Variants in ZNF672 observed in about 807,000 individuals in gnomAD.
The protein encoded by ZNF672 is hypothetical protein FLJ22301.
For missense variants in ZNF672, 733 were observed against 701.1 expected, an observed-to-expected ratio of 1.05 and a Z score of -0.51; for synonymous variants, 358 against 305.6, an observed-to-expected ratio of 1.17 and a Z score of -1.79.
Position 248,848,048 on chromosome 1 carries a change from C to A in ZNF672, c.774C>A (p.Gly258=). ...THTGEKPYAC[G]DCGRCFSESS... is the part of the protein sequence containing the mutation. ...CGGGCGAGAAGCCGTACGCATGTGG[C>A]GACTGTGGACGCTGCTTCAGCGAGA... Residue 258 remains glycine (G), a synonymous_variant, in exon 4 of 4, where the codon GGC becomes GGA. Transcript: ENST00000306562. The A allele has an allele frequency of 6.5e-7, 1 of 1,550,096 alleles. No individual in the cohort carries two copies. The highest frequency in any genetic ancestry group is 8.7e-7 in the Non-Finnish European group (1 of 1,147,398).
Position 248,847,843 on chromosome 1 carries a change from C to A in ZNF672, c.569C>A (p.Pro190His). ...SHARIHVSRS[P>H]TRPRVSDAHQ... Reference sequence around the variant, plus strand: ...GCGCGCATCCACGTGTCCCGGAGCCCCACGCGACCCCGTGTCTCAGACGCC... The same window carrying A: ...GCGCGCATCCACGTGTCCCGGAGCCACACGCGACCCCGTGTCTCAGACGCC... The change falls in exon 4 of 4, where the codon CCC becomes CAC. Residue 190 changes from proline to histidine, a missense_variant. Physicochemically the swap from Pro to His is moderately conservative, Grantham distance 77. Coordinates refer to ENST00000306562, the MANE Select transcript of ZNF672 (RefSeq NM_024836.3). 1 of 1,576,192 alleles carries A rather than the reference C, an allele frequency of 6.3e-7. No individual in the cohort carries two copies. Among genetic ancestry groups the A allele is most frequent in the East Asian group, 2.3e-5 (1 of 42,796 alleles).
At position 248,846,731 on chromosome 1, in the gene ZNF672, A is replaced by T. The variant is rs1048935438; in HGVS notation, c.-223-321A>T. 5.3e-5 allele frequency among the ~76,000 whole-genome samples: 8 copies of T among 152,146 alleles called. No homozygotes were observed. The East Asian group carries it at 9.6e-4, about 18-fold the overall frequency. ...TTTCCTAATGCATCCCCAGACAAGG[A>T]TCCCCATCTAAGGCCAGCGAACAGG... On this transcript the variant is annotated intron_variant, in intron 3 of 3. Coordinates refer to ENST00000306562, the MANE Select transcript of ZNF672 (RefSeq NM_024836.3).
At chr1:248,845,178 C>T (rs1403812594) in intron 2 of ZNF672, among the ~76,000 whole-genome samples, 2 of 152,178 alleles carry the variant, frequency 1.3e-5, no homozygotes, top group Non-Finnish European at 2.9e-5. Context: ...AAGGAGAATC[C>T]TCGAATCCGA....
chr1:248,841,601 A>T (rs1169965071), intron 1 of ZNF672, among the ~76,000 whole-genome samples: 8 of 152,174 alleles, frequency 5.3e-5, no homozygotes, highest in Non-Finnish European at 1.0e-4. Flanking sequence ...TTCACAGGAA[A>T]ATCTTTGTGA....
chr1:248,838,257 GGA>G lies in ZNF672; in HGVS notation c.-765_-764del, dbSNP rs1201516492. On this transcript the variant is annotated 5_prime_UTR_variant, in exon 1 of 4. Transcript: ENST00000306562. ...CTGCTTCCCGGCTCCAGCTGGGGCC[GGA>G]GAGGCTGAGTGGTTGGTACGCTGCT... 1 of 152,350 alleles carries G rather than the reference GGA, an allele frequency of 6.6e-6. No homozygotes were observed. The highest frequency in any genetic ancestry group is 1.5e-5 in the Non-Finnish European group (1 of 68,140). 9.4% of individuals were successfully genotyped at this position (152,350 alleles called of 1,614,324 possible).
intron 1 of ZNF672, among the ~76,000 whole-genome samples, chr1:248,840,045 A>G (rs1664645466): frequency 7.0e-6 from 1 of 143,136 alleles, no homozygotes; most frequent in African/African-American, 2.6e-5. Flanking sequence ...GGCAAGATTT[A>G]GCAATATTTT....
chr1:248,848,338 A>C lies in ZNF672; in HGVS notation c.1064A>C (p.Asn355Thr). ...CGGTTCACGTGCGTGTCCAATCTCA[A>C]CGTGCATCGGCGCAACCATGCCGGC... is the stretch of plus-strand genomic sequence containing the variant. The part of the protein sequence containing the change: ...GKRFTCVSNL[N>T]VHRRNHAGHK... The change falls in exon 4 of 4, where the codon AAC becomes ACC. Residue 355 changes from asparagine to threonine, a missense_variant. By Grantham distance (65) the Asn-to-Thr change is moderately conservative. Transcript: ENST00000306562. 1 of 1,601,516 alleles carries C rather than the reference A, an allele frequency of 6.2e-7. No homozygotes were observed.
At chr1:248,839,645 AAAAC>A (rs909063039) in intron 1 of ZNF672, among the ~76,000 whole-genome samples, 13 of 152,286 alleles carry the variant, frequency 8.5e-5, no homozygotes, top group South Asian at 6.2e-4. Flanking sequence ...CCTGTCTCAA[AAAAC>A]AAACAAACAA....
At chr1:248,844,815 G>A (rs1420722682) in intron 2 of ZNF672, among the ~76,000 whole-genome samples, 179 bp downstream of exon 2, 1 of 152,214 alleles carries the variant, frequency 6.6e-6, no homozygotes, top group Non-Finnish European at 1.5e-5. Flanking sequence ...TGGGGCCTGA[G>A]CATTGCTTTC....
chr1:248,848,141 CA>C lies in ZNF672; in HGVS notation c.869del (p.Lys290ArgfsTer165). Reference protein sequence around the residue: ...ERPHACATCGKGFGQRSDLVV... With the variant: ...ERPHACATCGXGFGQRSDLVV... ...GGCCACATGCGTGCGCCACTTGCGGCAAGGGTTTCGGGCAGCGCTCCGACCT... is the reference window on the plus strand; with the variant it reads ...GGCCACATGCGTGCGCCACTTGCGGCAGGGTTTCGGGCAGCGCTCCGACCT... On this transcript the variant is annotated frameshift_variant, in exon 4 of 4. Transcript: ENST00000306562. LOFTEE classifies it low-confidence loss of function (END_TRUNC). 1.8e-5 allele frequency: 29 copies of C among 1,579,090 alleles called. No individual in the cohort carries two copies. The highest frequency in any genetic ancestry group is 2.5e-5 in the Non-Finnish European group (29 of 1,167,110).
chr1:248,847,627 G>A lies in ZNF672; in HGVS notation c.353G>A (p.Arg118Gln), dbSNP rs1226342881. Residue 118 changes from arginine (R) to glutamine (Q), a missense_variant, in exon 4 of 4, where the codon CGG (arginine) becomes CAG (glutamine). Arg to Gln is a conservative substitution (Grantham distance 43). Transcript: ENST00000306562. ...CACCTCCCGGCGCTGCTGCTACACC[G>A]GCGCCGCCAGCATCTGCCAGAGCGG... The part of the protein sequence containing the change: ...FPHLPALLLH[R>Q]RRQHLPERPR... 3 of 1,520,384 alleles carry A rather than the reference G, an allele frequency of 2.0e-6. No individual in the cohort carries two copies. Among genetic ancestry groups the A allele is most frequent in the African/African-American group, 2.8e-5 (2 of 72,492 alleles). 94.2% of individuals were successfully genotyped at this position (1,520,384 alleles called of 1,614,324 possible).
At chr1:248,840,920 CAG>C (rs1390918429) in intron 1 of ZNF672, among the ~76,000 whole-genome samples, 1 of 151,450 alleles carries the variant, frequency 6.6e-6, no homozygotes, top group East Asian at 1.9e-4. Context: ...TGACTGTAGT[CAG>C]AGTATTTGTA....
intron 1 of ZNF672, among the ~76,000 whole-genome samples, chr1:248,842,459 C>T (rs11205428): frequency 0.012 from 1,795 of 152,140 alleles, 50 homozygotes; most frequent in African/African-American, 0.041. Context: ...GGATAGCCCA[C>T]GCTGAAGCCC....
chr1:248,844,052 AG>A (rs1338340985), intron 1 of ZNF672, among the ~76,000 whole-genome samples: 1 of 152,252 alleles, frequency 6.6e-6, no homozygotes, highest in African/African-American at 2.4e-5. Context: ...ACAGATAACC[AG>A]GGAAGAAAAA....
chr1:248,847,374 C>T lies in ZNF672; in HGVS notation c.100C>T (p.Arg34Ter), dbSNP rs1659155036. 6.2e-7 allele frequency: 1 copy of T among 1,610,434 alleles called. No individual in the cohort carries two copies. Among genetic ancestry groups the T allele is most frequent in the Non-Finnish European group, 8.5e-7 (1 of 1,178,348 alleles). ...CYSSVLLRHERAHGGDGRFRC... is the reference protein window; with the variant it reads ...CYSSVLLRHE ...CAGCTCAGTGCTGCTGCGACATGAA[C>T]GAGCTCACGGCGGTGACGGCCGCTT... Residue 34 changes from arginine to a stop codon, truncating the protein, a stop_gained, in exon 4 of 4, where the codon CGA becomes TGA. Transcript: ENST00000306562. LOFTEE classifies it low-confidence loss of function (END_TRUNC).
intron 3 of ZNF672, among the ~76,000 whole-genome samples, chr1:248,846,606 T>C (rs548480436): frequency 1.3e-5 from 2 of 152,360 alleles, no homozygotes; most frequent in African/African-American, 4.8e-5. Flanking sequence ...CAAGTCTGGC[T>C]GGGTTCATGT....
In ZNF672 at chr1:248,847,842, C is replaced by T. The variant is rs1273887507; in HGVS notation, c.568C>T (p.Pro190Ser). 2 of 1,575,242 alleles carry T rather than the reference C, an allele frequency of 1.3e-6. No individual in the cohort carries two copies. Among genetic ancestry groups the T allele is most frequent in the Non-Finnish European group, 1.7e-6 (2 of 1,164,736 alleles). The change falls in exon 4 of 4, where the codon CCC becomes TCC. Residue 190 changes from proline to serine, a missense_variant. Coordinates refer to ENST00000306562, the MANE Select transcript of ZNF672 (RefSeq NM_024836.3). ...CGCGCGCATCCACGTGTCCCGGAGC[C>T]CCACGCGACCCCGTGTCTCAGACGC... ...SHARIHVSRS[P>S]TRPRVSDAHQ... is the part of the protein sequence containing the mutation.
At chr1:248,841,220 G>C (rs1407604076) in intron 1 of ZNF672, among the ~76,000 whole-genome samples, 3 of 152,238 alleles carry the variant, frequency 2.0e-5, no homozygotes, top group Non-Finnish European at 4.4e-5. Context: ...TAACATTTGG[G>C]AAAATTGGAT....
chr1:248,847,119 A>C lies in ZNF672; in HGVS notation c.-156A>C, dbSNP rs956342873. On this transcript the variant is annotated 5_prime_UTR_variant, in exon 4 of 4. Transcript: ENST00000306562. ...CAGCCACAATGTCTGCCCCTTAGAG[A>C]AGAACCCTGAAATCAGACCAGTTTT... 2.0e-6 allele frequency: 2 copies of C among 995,546 alleles called. No homozygotes were observed. The highest frequency in any genetic ancestry group is 3.3e-5 in the African/African-American group (2 of 61,512). 61.7% of individuals were successfully genotyped at this position (995,546 alleles called of 1,614,324 possible).
Sources: gnomAD v4.1 joint callset for allele counts (sites outside exome capture counted in the v4.1 genomes callset) on GRCh38, gnomAD v4.1.1 for gene constraint, MANE v1.5 for transcripts, NCBI Gene and HGNC (gene_info 2026-07-23, HGNC 2026-07-21) for gene names.